Variants in DMD observed in about 807,000 individuals in gnomAD.
DMD encodes dystrophin, also known as mutant dystrophin.
DMD carries 63 observed loss-of-function variants against 330.1 expected under a neutral mutation model. That is an observed-to-expected ratio of 0.19 (90% CI 0.16 to 0.24). The LOEUF is 0.24. Ranked by LOEUF, DMD falls within the 10% of genes least tolerant of loss-of-function variation. The pLI, the probability that DMD is intolerant of heterozygous loss-of-function variation, is 1.00. For missense variants in DMD, 3,344 were observed against 2,684.1 expected, an observed-to-expected ratio of 1.25 and a Z score of -5.43; for synonymous variants, 1,223 against 959.8, an observed-to-expected ratio of 1.27 and a Z score of -5.07.
At chrX:32,665,714 G>A (rs999963239) in intron 9 of DMD, among the ~76,000 whole-genome samples, 2 of 111,855 alleles carry the variant, frequency 1.8e-5, no homozygotes, top group African/African-American at 6.5e-5. Context: ...AAAGGGAAGC[G>A]AAATATGAAC....
intron 48 of DMD, among the ~76,000 whole-genome samples, chrX:31,841,330 C>T (rs1325252315): frequency 9.0e-6 from 1 of 111,693 alleles, no homozygotes; most frequent in African/African-American, 3.3e-5. Context: ...GAGGTTTGTT[C>T]ATGAGGCTTT....
chrX:31,488,638 A>G (rs975764187), intron 57 of DMD, among the ~76,000 whole-genome samples: 4 of 111,648 alleles, frequency 3.6e-5, no homozygotes, highest in Non-Finnish European at 7.5e-5. Context: ...ATCTATCTTA[A>G]GTTCTATCAA....
chrX:31,146,321 C>T lies in DMD; in HGVS notation c.10891G>A (p.Val3631Met). ...SDSSQPMLLR[V>M]VGSQTSDSMG... is the part of the protein sequence containing the mutation. ...GAGTCCGAAGTTTGACTGCCAACCA[C>T]TCGGAGCAGCATAGGCTGACTGCTG... The change falls in exon 76 of 79, where the codon GTG becomes ATG. Residue 3631 changes from valine (V) to methionine (M), a missense_variant. Coordinates refer to ENST00000357033, the MANE Select transcript of DMD (RefSeq NM_004006.3). 8.3e-7 allele frequency: 1 copy of T among 1,211,174 alleles called. No homozygotes were observed. The highest frequency in any genetic ancestry group is 1.1e-6 in the Non-Finnish European group (1 of 895,158).
At chrX:32,991,076 T>C (rs750892926) in intron 2 of DMD, among the ~76,000 whole-genome samples, 1 of 111,585 alleles carries the variant, frequency 9.0e-6, no homozygotes, top group South Asian at 3.7e-4. Context: ...ATAATAATAA[T>C]TAGAAAACTA....
intron 11 of DMD, among the ~76,000 whole-genome samples, chrX:32,624,609 T>C (rs984498198): frequency 3.6e-5 from 4 of 111,573 alleles, no homozygotes; most frequent in Admixed American, 2.9e-4. Flanking sequence ...TCAGTAGGCC[T>C]GGGTTGGGGC....
intron 2 of DMD, among the ~76,000 whole-genome samples, chrX:32,967,414 G>T (rs1172953482): frequency 1.8e-5 from 2 of 112,013 alleles, no homozygotes; most frequent in African/African-American, 6.5e-5. Context: ...ATGGATGACT[G>T]GGACTTAATG....
At chrX:32,813,727 A>C (rs764751324) in intron 6 of DMD, among the ~76,000 whole-genome samples, 1 of 111,291 alleles carries the variant, frequency 9.0e-6, no homozygotes, top group African/African-American at 3.3e-5. Context: ...TGTAATCCGA[A>C]ATGGGAGGTG....
chrX:31,122,379 CACCATCACCACCTTCACAACTACCACT>C (rs749320404), intron 78 of DMD, among the ~76,000 whole-genome samples: 70 of 110,607 alleles, frequency 6.3e-4, no homozygotes, highest in Non-Finnish European at 1.2e-3. Flanking sequence ...TCAATCAAAC[CACCATCACCACCTTCACAACTACCACT>C]ACCATCACCA....
intron 2 of DMD, among the ~76,000 whole-genome samples, chrX:32,897,096 T>TG (rs2085791284): frequency 2.3e-5 from 1 of 43,666 alleles, no homozygotes; most frequent in Admixed American, 2.4e-4. Flanking sequence ...ATTTTATGCG[T>TG]TTTTTTTATT....
chrX:31,476,397 G>GTGTA (rs796082098), intron 59 of DMD, among the ~76,000 whole-genome samples: 3 of 88,324 alleles, frequency 3.4e-5, no homozygotes, highest in Non-Finnish European at 6.6e-5. Context: ...GTGTGTGTGT[G>GTGTA]TATATATATA....
At chrX:31,454,951 C>CTTTTT (rs61091457) in intron 59 of DMD, among the ~76,000 whole-genome samples, 3 of 80,191 alleles carry the variant, frequency 3.7e-5, no homozygotes, top group African/African-American at 5.0e-5. Context: ...TTTTCTTTTT[C>CTTTTT]TTTTTTTTTT....
At chrX:33,220,486 G>C (rs992070033) in intron 1 of DMD, among the ~76,000 whole-genome samples, 1 of 111,780 alleles carries the variant, frequency 8.9e-6, no homozygotes, top group Non-Finnish European at 1.9e-5. Context: ...TTATATCTCA[G>C]ATTATTTAAA....
At chrX:32,714,250 C>G (rs764386644) in intron 7 of DMD, among the ~76,000 whole-genome samples, 3 of 111,180 alleles carry the variant, frequency 2.7e-5, no homozygotes, top group Non-Finnish European at 5.7e-5. Flanking sequence ...CAAGTCTCGG[C>G]TTTTAGTGTA....
intron 68 of DMD, among the ~76,000 whole-genome samples, chrX:31,182,281 C>A (rs1230720318): frequency 9.0e-6 from 1 of 111,718 alleles, no homozygotes; most frequent in Non-Finnish European, 1.9e-5. Flanking sequence ...AAAAATGGTG[C>A]AAAGTGAATG....
intron 2 of DMD, among the ~76,000 whole-genome samples, chrX:32,880,671 G>A (rs182121306): frequency 5.3e-5 from 6 of 112,879 alleles, no homozygotes; most frequent in East Asian, 2.8e-4. Flanking sequence ...TGGGCTAGGC[G>A]CAGTGGCTCA....
At chrX:32,823,262 A>T (rs1456756920) in intron 5 of DMD, 33 bp downstream of exon 5, 1 of 1,092,945 alleles carries the variant, frequency 9.1e-7, no homozygotes, top group South Asian at 1.8e-5. Context: ...GATTAATGTT[A>T]CCCAAAAGGA....
chrX:31,210,789 T>C (rs1407441661), intron 64 of DMD, among the ~76,000 whole-genome samples: 1 of 112,749 alleles, frequency 8.9e-6, no homozygotes. Flanking sequence ...GGCTTTAGTA[T>C]ATTTTACAAG....
rs1304218104 is a variant in DMD at position 31,968,373 on chromosome X, C to T, written c.6580G>A (p.Glu2194Lys). 1.7e-6 allele frequency: 2 copies of T among 1,210,656 alleles called. No homozygotes were observed. Among genetic ancestry groups the T allele is most frequent in the Non-Finnish European group, 2.2e-6 (2 of 894,838 alleles). ...CTGTCTGACAGCTGTTTGCAGACCT[C>T]CTGCCACCGCAGATTCAGGCTTCCC... ...KLGSLNLRWQ[E>K]VCKQLSDRKK... The change falls in exon 45 of 79, where the codon GAG becomes AAG. Residue 2194 changes from glutamate to lysine, a missense_variant. Transcript: ENST00000357033.
chrX:32,231,833 T>A, intron 43 of DMD, among the ~76,000 whole-genome samples: 1 of 111,338 alleles, frequency 9.0e-6, no homozygotes, highest in Non-Finnish European at 1.9e-5. Context: ...TTGAAACCAA[T>A]CTCAAAGGTT....
Sources: gnomAD v4.1 joint callset for allele counts (sites outside exome capture counted in the v4.1 genomes callset) on GRCh38, gnomAD v4.1.1 for gene constraint, MANE v1.5 for transcripts, NCBI Gene and HGNC (gene_info 2026-07-23, HGNC 2026-07-21) for gene names.